ANKIB1: variants seen among roughly 807,000 people sequenced by gnomAD.
ANKIB1 encodes the protein ankyrin repeat and IBR domain-containing protein 1.
ANKIB1 carries 43 observed loss-of-function variants against 122.1 expected under a neutral mutation model. The ratio of observed to expected loss-of-function variants is 0.35; its 90% CI spans 0.28 to 0.45. The LOEUF (loss-of-function observed/expected upper bound fraction) is 0.45, where lower values mean the gene tolerates loss of function less well. Ranked by LOEUF, ANKIB1 falls within the 20% of genes least tolerant of loss-of-function variation. The pLI is 1.00. For synonymous variants in ANKIB1, 390 were observed against 442.0 expected (o/e 0.88, Z 1.48); for missense variants, 992 against 1,329.5 (o/e 0.75, Z 3.95).
At chr7:92,283,683 C>T (rs192429985) in intron 1 of ANKIB1, among the ~76,000 whole-genome samples, 2 of 152,218 alleles carry the variant, frequency 1.3e-5, no homozygotes, top group East Asian at 3.9e-4. Context: ...ATGCCTATCG[C>T]CTAGTGACCT....
chr7:92,335,320 G>A (rs1162223063), intron 5 of ANKIB1, among the ~76,000 whole-genome samples: 1 of 151,936 alleles, frequency 6.6e-6, no homozygotes, highest in Non-Finnish European at 1.5e-5. Flanking sequence ...CTGTCTTGAT[G>A]ACTATATCAT....
intron 1 of ANKIB1, 77 bp from the exon 2 acceptor site, chr7:92,294,812 A>G: frequency 1.9e-6 from 1 of 513,480 alleles, no homozygotes; most frequent in Admixed American, 3.8e-5. Context: ...GATTTTTTTT[A>G]GTGTTCCTAA....
chr7:92,393,129 G>T (rs968658319), intron 17 of ANKIB1, among the ~76,000 whole-genome samples: 4 of 152,002 alleles, frequency 2.6e-5, no homozygotes, highest in African/African-American at 9.7e-5. Context: ...TAACCCATTT[G>T]TTACCTGCAA....
chr7:92,400,116 CTCCATAAAACCACCCA>C lies in ANKIB1; in HGVS notation c.*1169_*1184del, dbSNP rs1804985761. ...TAACTATGCTATGAATTGCAAAGACCTCCATAAAACCACCCATGGCCTTGCTTTTACACTAACTATA... is the reference window on the plus strand; with the variant it reads ...TAACTATGCTATGAATTGCAAAGACCTGGCCTTGCTTTTACACTAACTATA... On this transcript the variant is annotated 3_prime_UTR_variant, in exon 20 of 20. Coordinates refer to ENST00000265742, the MANE Select transcript of ANKIB1 (RefSeq NM_019004.2). 1 of 152,156 alleles carries C rather than the reference CTCCATAAAACCACCCA, an allele frequency of 6.6e-6. No homozygotes were observed. Among genetic ancestry groups the C allele is most frequent in the Non-Finnish European group, 1.5e-5 (1 of 68,038 alleles). The allele number at this position is 152,156 out of a possible 1,614,324, so 9.4% of individuals were successfully genotyped here.
intron 10 of ANKIB1, among the ~76,000 whole-genome samples, chr7:92,364,171 G>A (rs938563456): frequency 8.6e-5 from 13 of 151,768 alleles, no homozygotes; most frequent in African/African-American, 1.5e-4. Context: ...AAATTAGTCC[G>A]GCATGGTGGT....
intron 11 of ANKIB1, among the ~76,000 whole-genome samples, chr7:92,384,967 A>C (rs1804600908): frequency 6.6e-6 from 1 of 152,250 alleles, no homozygotes; most frequent in African/African-American, 2.4e-5. Context: ...GCATGGGAGA[A>C]AATTTTTGCA....
chr7:92,306,195 C>G (rs1181653015), intron 2 of ANKIB1, among the ~76,000 whole-genome samples: 1 of 152,078 alleles, frequency 6.6e-6, no homozygotes, highest in Non-Finnish European at 1.5e-5. Flanking sequence ...TAAAACAACA[C>G]AAATCTTACA....
chr7:92,327,865 C>T lies in ANKIB1; in HGVS notation c.752C>T (p.Pro251Leu). The change falls in exon 5 of 20, where the codon CCT becomes CTT. Residue 251 changes from proline to leucine, a missense_variant. Physicochemically the swap from Pro to Leu is moderately conservative, Grantham distance 98. Transcript: ENST00000265742. ...GAAACTGCAGACATGCTTCAGGCTC[C>T]TCTCTTTACTGCTGAAGCTTTACTT... ...IVETADMLQA[P>L]LFTAEALLRA... 6.3e-7 allele frequency: 1 copy of T among 1,593,416 alleles called. No individual in the cohort carries two copies. The highest frequency in any genetic ancestry group is 8.5e-7 in the Non-Finnish European group (1 of 1,173,712).
At chr7:92,267,005 A>G (rs1326994736) in intron 1 of ANKIB1, among the ~76,000 whole-genome samples, 2 of 152,182 alleles carry the variant, frequency 1.3e-5, no homozygotes, top group Non-Finnish European at 2.9e-5. Context: ...GTTGGCACAC[A>G]TGGGATATTG....
At chr7:92,317,403 A>G (rs1224023493) in intron 3 of ANKIB1, among the ~76,000 whole-genome samples, 1 of 152,190 alleles carries the variant, frequency 6.6e-6, no homozygotes, top group Non-Finnish European at 1.5e-5. Context: ...TGCAGTAAAA[A>G]GGTTCTAGGT....
intron 11 of ANKIB1, 117 bp downstream of exon 11, chr7:92,371,724 TC>T: frequency 8.4e-7 from 1 of 1,185,458 alleles, no homozygotes; most frequent in Non-Finnish European, 1.2e-6. Context: ...TTGCCTATAA[TC>T]CCAGCACTTC....
At chr7:92,306,854 G>GCTTA (rs1275833785) in intron 2 of ANKIB1, among the ~76,000 whole-genome samples, 1 of 152,088 alleles carries the variant, frequency 6.6e-6, no homozygotes, top group Non-Finnish European at 1.5e-5. Flanking sequence ...TTAGTCTCAG[G>GCTTA]CTTACATATT....
intron 1 of ANKIB1, among the ~76,000 whole-genome samples, chr7:92,263,232 C>T (rs1175536741): frequency 1.3e-5 from 2 of 152,120 alleles, no homozygotes; most frequent in Admixed American, 1.3e-4. Context: ...ACAACATTAT[C>T]TAAGATTTAA....
chr7:92,363,998 A>G (rs1394563439), intron 10 of ANKIB1, among the ~76,000 whole-genome samples: 1 of 152,092 alleles, frequency 6.6e-6, no homozygotes, highest in Admixed American at 6.6e-5. Flanking sequence ...TGTCCTGTTC[A>G]TGCACCGTTT....
chr7:92,251,797 A>G (rs1801335553), intron 1 of ANKIB1, among the ~76,000 whole-genome samples: 1 of 152,208 alleles, frequency 6.6e-6, no homozygotes, highest in African/African-American at 2.4e-5. Context: ...AAGAAAATCA[A>G]CGTGGATACA....
intron 1 of ANKIB1, among the ~76,000 whole-genome samples, chr7:92,268,230 AG>A (rs1801714302): frequency 6.6e-6 from 1 of 152,206 alleles, no homozygotes; most frequent in Non-Finnish European, 1.5e-5. Context: ...CCTGGAGTGA[AG>A]CCAGTTCTAC....
intron 2 of ANKIB1, among the ~76,000 whole-genome samples, chr7:92,302,850 C>A (rs1389975600): frequency 6.6e-6 from 1 of 152,098 alleles, no homozygotes; most frequent in Non-Finnish European, 1.5e-5. Context: ...CATGCAAACC[C>A]CGTAGGGCAG....
At chr7:92,310,381 A>C (rs1036104379) in intron 3 of ANKIB1, among the ~76,000 whole-genome samples, 1 of 152,084 alleles carries the variant, frequency 6.6e-6, no homozygotes, top group African/African-American at 2.4e-5. Flanking sequence ...ATTTCAGCAT[A>C]TTTTATTCAG....
At chr7:92,396,155 G>T in intron 17 of ANKIB1, 1 of 538,810 alleles carries the variant, frequency 1.9e-6, no homozygotes, top group Non-Finnish European at 3.3e-6. Flanking sequence ...ATTTATCTAG[G>T]CAATTGTAAT....
Sources: gnomAD v4.1 joint callset for allele counts (sites outside exome capture counted in the v4.1 genomes callset) on GRCh38, gnomAD v4.1.1 for gene constraint, MANE v1.5 for transcripts, NCBI Gene and HGNC (gene_info 2026-07-23, HGNC 2026-07-21) for gene names.